The following DNM3 variants were observed in gnomAD, a reference collection of about 807,000 sequenced individuals.
DNM3 encodes the protein dynamin-3.
In DNM3, 47 loss-of-function variants were observed where a neutral mutation model predicts 101.6. That is an observed-to-expected ratio of 0.46 (90% CI 0.37 to 0.59). The LOEUF (loss-of-function observed/expected upper bound fraction) is 0.59. Among genes scored for constraint, DNM3 ranks in the 20% least tolerant of loss-of-function variants. The pLI is 0.00. For missense variants in DNM3, 849 were observed against 1,085.7 expected (o/e 0.78, Z 3.06); for synonymous variants, 385 against 387.9 (o/e 0.99, Z 0.09).
chr1:172,234,239 C>T (rs182979644), intron 14 of DNM3, among the ~76,000 whole-genome samples: 2,227 of 152,238 alleles, frequency 0.015, 26 homozygotes, highest in Non-Finnish European at 0.024. Flanking sequence ...CATTCTTACA[C>T]ACCAATAACA....
intron 1 of DNM3, among the ~76,000 whole-genome samples, chr1:171,876,148 A>C (rs531969516): frequency 6.6e-6 from 1 of 152,204 alleles, no homozygotes; most frequent in South Asian, 2.1e-4. Context: ...TTACATCTTT[A>C]TTGATGAAAT....
downstream of DNM3, among the ~76,000 whole-genome samples, chr1:172,413,708 TAGG>T (rs1343410027): frequency 6.6e-6 from 1 of 152,166 alleles, no homozygotes; most frequent in Admixed American, 6.5e-5. Context: ...AAGAAGGTGA[TAGG>T]AGGAGAGAGA....
chr1:172,225,134 C>CTTTT (rs1168334078), intron 14 of DNM3, among the ~76,000 whole-genome samples: 1,403 of 65,536 alleles, frequency 0.021, 181 homozygotes, highest in African/African-American at 0.076. Flanking sequence ...TCTTCTTCCT[C>CTTTT]TTTTTTTTTT....
intron 15 of DNM3, among the ~76,000 whole-genome samples, chr1:172,293,749 C>G (rs2064029305): frequency 1.3e-5 from 2 of 152,108 alleles, no homozygotes; most frequent in African/African-American, 4.8e-5. Context: ...AAGCCTTTGA[C>G]CCTCTTCTAA....
intron 14 of DNM3, among the ~76,000 whole-genome samples, chr1:172,143,412 A>G (rs1213365870): frequency 1.3e-5 from 2 of 152,084 alleles, no homozygotes; most frequent in Non-Finnish European, 2.9e-5. Flanking sequence ...TAAGGGGCCG[A>G]CCTCTAAAGT....
chr1:172,356,507 G>A (rs1267325690), intron 17 of DNM3, among the ~76,000 whole-genome samples: 3 of 151,768 alleles, frequency 2.0e-5, no homozygotes, highest in East Asian at 1.9e-4. Context: ...AAAATTTGAC[G>A]GGGTTTTAAA....
intron 10 of DNM3, among the ~76,000 whole-genome samples, chr1:172,054,883 T>G (rs1021816379): frequency 2.6e-5 from 4 of 152,070 alleles, no homozygotes; most frequent in Admixed American, 6.6e-5. Flanking sequence ...TGCTGGAACC[T>G]GGGAAGCGGC....
At chr1:172,317,537 T>C (rs1174084857) in intron 16 of DNM3, among the ~76,000 whole-genome samples, 1 of 151,776 alleles carries the variant, frequency 6.6e-6, no homozygotes, top group East Asian at 1.9e-4. Flanking sequence ...ATAGACGCAA[T>C]AAAAAATGAT....
chr1:172,019,120 CCTT>C (rs937573376), intron 4 of DNM3, among the ~76,000 whole-genome samples: 2 of 149,712 alleles, frequency 1.3e-5, no homozygotes, highest in Middle Eastern at 3.4e-3. Context: ...TTCTCTCTCT[CCTT>C]CTTCCTCTCT....
At chr1:172,226,601 A>C (rs1480759980) in intron 14 of DNM3, among the ~76,000 whole-genome samples, 1 of 152,182 alleles carries the variant, frequency 6.6e-6, no homozygotes, top group Non-Finnish European at 1.5e-5. Context: ...TACTCTCTAC[A>C]TTTTTAAACT....
intron 12 of DNM3, among the ~76,000 whole-genome samples, chr1:172,087,692 A>T (rs113753784): frequency 2.6e-5 from 4 of 151,996 alleles, no homozygotes; most frequent in Non-Finnish European, 4.4e-5. Context: ...ATTTCTTTCT[A>T]TCATCATTGC....
intron 1 of DNM3, among the ~76,000 whole-genome samples, chr1:171,894,207 C>T (rs1373617575): frequency 6.6e-6 from 1 of 152,094 alleles, no homozygotes; most frequent in African/African-American, 2.4e-5. Context: ...ACCCGCCCAC[C>T]TTGGCCTCCC....
chr1:171,964,792 A>T (rs1281355256), intron 2 of DNM3, among the ~76,000 whole-genome samples: 1 of 152,122 alleles, frequency 6.6e-6, no homozygotes, highest in Non-Finnish European at 1.5e-5. Context: ...AACAGGACAC[A>T]AGAGGGGCGA....
chr1:171,991,110 C>T (rs762008323), intron 4 of DNM3, among the ~76,000 whole-genome samples: 3 of 152,276 alleles, frequency 2.0e-5, no homozygotes, highest in Admixed American at 1.3e-4. Flanking sequence ...ACAAACTCAG[C>T]TTCTCCTACT....
chr1:172,351,380 T>G (rs1272730373), intron 17 of DNM3, among the ~76,000 whole-genome samples: 1 of 152,168 alleles, frequency 6.6e-6, no homozygotes, highest in Non-Finnish European at 1.5e-5. Flanking sequence ...TTGTTAAAAT[T>G]TTAATATAAT....
chr1:172,234,288 T>A (rs1324364599), intron 14 of DNM3, among the ~76,000 whole-genome samples: 2 of 152,116 alleles, frequency 1.3e-5, no homozygotes, highest in African/African-American at 4.8e-5. Context: ...CCATTCACAA[T>A]TGCTTCAAAG....
rs184275030 is a variant in DNM3 at position 172,182,352 on chromosome 1, A to C, written c.1659+51064A>C. Among the ~76,000 whole-genome samples the C allele has an allele frequency of 9.2e-5, 14 of 152,188 alleles. No homozygotes were observed. In the East Asian group the frequency reaches 2.5e-3, roughly 27 times the overall value. On this transcript the variant is annotated intron_variant, in intron 14 of 20. Coordinates refer to ENST00000627582, the MANE Select transcript of DNM3 (RefSeq NM_015569.5). Reference sequence around the variant, plus strand: ...GGATCTGGCATCACTGGGATATGAGAAGCTAGAGGACAGGGTGCTCTGAAG... The same window carrying C: ...GGATCTGGCATCACTGGGATATGAGCAGCTAGAGGACAGGGTGCTCTGAAG...
At chr1:171,976,822 A>G (rs1056761368) in intron 2 of DNM3, among the ~76,000 whole-genome samples, 3 of 152,200 alleles carry the variant, frequency 2.0e-5, no homozygotes, top group African/African-American at 7.2e-5. Flanking sequence ...TTTTTTAGTT[A>G]CGTATTTATA....
In DNM3 at chr1:171,987,775, C is replaced by T; in HGVS notation, c.355C>T (p.Pro119Ser). ...AATGAATAAAGGCATTTCCTCCATA[C>T]CCATTAATTTACGAGTCTATTCCCC... Reference protein sequence around the residue: ...TGMNKGISSIPINLRVYSPHV... With the variant: ...TGMNKGISSISINLRVYSPHV... Residue 119 changes from proline (P) to serine (S), a missense_variant, in exon 3 of 21, where the codon CCC becomes TCC. Pro to Ser is a moderately conservative substitution (Grantham distance 74, BLOSUM62 -1). Around this residue, in one of 5 missense-constraint regions of DNM3, gnomAD observed 388 missense variants for 483.0 expected, o/e 0.80. Transcript: ENST00000627582. 3 of 1,580,870 alleles carry T rather than the reference C, an allele frequency of 1.9e-6. No individual in the cohort carries two copies. The South Asian group carries it at 3.6e-5, about 19-fold the overall frequency.
Sources: allele counts gnomAD v4.1 joint callset (sites outside exome capture counted in the v4.1 genomes callset), GRCh38; gene constraint gnomAD v4.1.1; regional missense constraint gnomAD v4.1.1; transcripts MANE v1.5; gene names NCBI Gene and HGNC (gene_info 2026-07-23, HGNC 2026-07-21).